Variants in CATSPERT observed in about 807,000 individuals in gnomAD.
The protein encoded by CATSPERT is catsper channel auxiliary subunit tau, also known as cation channel sperm-associated targeting subunit tau.
the CATSPERT span, chr2:201,603,380 G>T: frequency 1.1e-6 from 1 of 934,710 alleles, no homozygotes; most frequent in Non-Finnish European, 1.6e-6. Flanking sequence ...ACTCCACGTT[G>T]TTGGTTTTTC....
At chr2:201,506,544 C>A in the CATSPERT span, among the ~76,000 whole-genome samples, 2 of 151,920 alleles carry the variant, frequency 1.3e-5, no homozygotes, top group Non-Finnish European at 2.9e-5. Flanking sequence ...AAAATTAACC[C>A]CATTCTTTTT....
At chr2:201,582,700 T>C in the CATSPERT span, among the ~76,000 whole-genome samples, 2 of 152,206 alleles carry the variant, frequency 1.3e-5, no homozygotes, top group South Asian at 2.1e-4. Context: ...ACAAAATATA[T>C]ACCATTGCCT....
chr2:201,516,241 T>C, the CATSPERT span, among the ~76,000 whole-genome samples: 6 of 152,202 alleles, frequency 3.9e-5, no homozygotes, highest in Non-Finnish European at 7.3e-5. Context: ...TGCCGTCACA[T>C]ATTCAGTGTA....
chr2:201,560,447 TAATAATAATAATAATAATAATAAC>T, the CATSPERT span, among the ~76,000 whole-genome samples: 61,932 of 137,840 alleles, frequency 0.45, 13,595 homozygotes, highest in East Asian at 0.74. Context: ...ATAATAATAA[TAATAATAATAATAATAATAATAAC>T]AACAACAACA....
chr2:201,543,975 A>G, the CATSPERT span, among the ~76,000 whole-genome samples: 3 of 152,116 alleles, frequency 2.0e-5, no homozygotes, highest in African/African-American at 7.2e-5. Context: ...CATCATTTAC[A>G]TTAGGTATAT....
At chr2:201,581,577 TATATATATATATATATAC>T in the CATSPERT span, among the ~76,000 whole-genome samples, 20 of 81,014 alleles carry the variant, frequency 2.5e-4, 2 homozygotes, top group South Asian at 8.5e-4. Context: ...TATATATATA[TATATATATATATATATAC>T]ACATACATAT....
At chr2:201,524,599 C>A in the CATSPERT span, among the ~76,000 whole-genome samples, 1 of 152,186 alleles carries the variant, frequency 6.6e-6, no homozygotes, top group Non-Finnish European at 1.5e-5. Flanking sequence ...AACATGACGA[C>A]AGGATCAAAT....
chr2:201,616,099 C>T, the CATSPERT span, among the ~76,000 whole-genome samples: 6 of 152,148 alleles, frequency 3.9e-5, no homozygotes, highest in East Asian at 1.9e-4. Flanking sequence ...CAGGACCAGA[C>T]GGATTCACAG....
At chr2:201,514,609 T>C in the CATSPERT span, among the ~76,000 whole-genome samples, 1 of 152,164 alleles carries the variant, frequency 6.6e-6, no homozygotes, top group Admixed American at 6.5e-5. Flanking sequence ...AACATTCTAG[T>C]TCTTGATAAT....
the CATSPERT span, among the ~76,000 whole-genome samples, chr2:201,617,537 C>T: frequency 2.6e-5 from 4 of 152,162 alleles, no homozygotes; most frequent in African/African-American, 7.2e-5. Flanking sequence ...CCCTTCCTTA[C>T]GCCTTATACA....
the CATSPERT span, among the ~76,000 whole-genome samples, chr2:201,560,170 G>A: frequency 2.0e-5 from 3 of 152,122 alleles, no homozygotes; most frequent in Non-Finnish European, 4.4e-5. Context: ...GCTCACACCT[G>A]TAATCCCAGC....
At chr2:201,618,821 C>A in the CATSPERT span, 1 of 1,342,264 alleles carries the variant, frequency 7.5e-7, no homozygotes. Flanking sequence ...CACATTGAAC[C>A]CTTTAATCCT....
the CATSPERT span, among the ~76,000 whole-genome samples, chr2:201,512,258 T>C: frequency 1.3e-5 from 2 of 152,216 alleles, no homozygotes; most frequent in Non-Finnish European, 1.5e-5. Context: ...TGTAAATTAA[T>C]GTGCAGTTGT....
the CATSPERT span, among the ~76,000 whole-genome samples, chr2:201,515,176 A>C: frequency 7.5e-6 from 1 of 133,050 alleles, no homozygotes; most frequent in Non-Finnish European, 1.6e-5. Flanking sequence ...TTGCCAAAGG[A>C]ATTGAGTGTT....
At chr2:201,562,940 C>G in the CATSPERT span, among the ~76,000 whole-genome samples, 3 of 150,220 alleles carry the variant, frequency 2.0e-5, no homozygotes, top group Non-Finnish European at 3.0e-5. Flanking sequence ...CCGCAACCAT[C>G]CGATTTCTCA....
the CATSPERT span, among the ~76,000 whole-genome samples, chr2:201,558,953 C>T: frequency 6.6e-6 from 1 of 152,150 alleles, no homozygotes; most frequent in African/African-American, 2.4e-5. Flanking sequence ...GGGAAACCAA[C>T]CCCAGCCACC....
chr2:201,530,107 G>T, the CATSPERT span, among the ~76,000 whole-genome samples: 2 of 152,140 alleles, frequency 1.3e-5, no homozygotes, highest in African/African-American at 4.8e-5. Flanking sequence ...AATGATACGT[G>T]TTGGCAAGGA....
At chr2:201,595,490 T>G in the CATSPERT span, among the ~76,000 whole-genome samples, 1 of 152,068 alleles carries the variant, frequency 6.6e-6, no homozygotes, top group Admixed American at 6.6e-5. Context: ...GCCCGGCCTG[T>G]TAGTTTTCCT....
the CATSPERT span, among the ~76,000 whole-genome samples, chr2:201,561,121 C>T: frequency 3.8e-4 from 58 of 152,174 alleles, no homozygotes; most frequent in Admixed American, 1.3e-4. Flanking sequence ...GACTTCTGAC[C>T]TACCGTAAGA....
Sources: allele counts gnomAD v4.1 joint callset (sites outside exome capture counted in the v4.1 genomes callset), GRCh38; gene constraint gnomAD v4.1.1; transcripts MANE v1.5; gene names NCBI Gene and HGNC (gene_info 2026-07-23, HGNC 2026-07-21).